Variants in CCDC144A observed in about 807,000 individuals in gnomAD.
CCDC144A encodes the protein coiled-coil domain containing 144A, also known as coiled-coil domain-containing protein 144A.
A neutral mutation model predicts 143.8 loss-of-function variants in CCDC144A; 41 were observed. That is an observed-to-expected ratio of 0.29 (90% CI 0.22 to 0.37). The LOEUF (loss-of-function observed/expected upper bound fraction) is 0.37. CCDC144A is among the 10% of genes least tolerant of loss of function. The probability of loss-of-function intolerance (pLI) is 1.00; values close to 1 mark genes in which losing one functional copy is unlikely to be tolerated. For missense variants in CCDC144A, 637 were observed against 1,488.8 expected (o/e 0.43, Z 9.41); for synonymous variants, 242 against 517.9 (o/e 0.47, Z 7.23).
rs1455861556 is a variant in CCDC144A at position 16,728,914 on chromosome 17, A to AT, written c.2105+1176dup. Among the ~76,000 whole-genome samples the AT allele has an allele frequency of 1.5e-4, 23 of 152,312 alleles. No homozygotes were observed. In the East Asian group the frequency reaches 4.0e-3, roughly 27 times the overall value. On this transcript the variant is annotated intron_variant, in intron 9 of 16. Coordinates refer to ENST00000399273, the MANE Select transcript of CCDC144A (RefSeq NM_001382000.1). ...TCCCTTCCAAGTTGCTGCAAAAGAC[A>AT]TTATTTCATTCTTCTTATGGCTGAG... is the stretch of plus-strand genomic sequence containing the variant.
intron 2 of CCDC144A, among the ~76,000 whole-genome samples, chr17:16,703,506 T>C (rs1911846304): frequency 6.6e-6 from 1 of 152,154 alleles, no homozygotes. Context: ...ACTAAAATAT[T>C]TTAAAAACAA....
At chr17:16,704,831 T>G (rs1308311337) in intron 2 of CCDC144A, among the ~76,000 whole-genome samples, 1 of 152,178 alleles carries the variant, frequency 6.6e-6, no homozygotes, top group Non-Finnish European at 1.5e-5. Flanking sequence ...TAGTTAGACA[T>G]AAATTCTGTT....
chr17:16,708,109 A>C (rs34238100), intron 4 of CCDC144A, among the ~76,000 whole-genome samples: 1,901 of 152,232 alleles, frequency 0.012, 15 homozygotes, highest in Non-Finnish European at 0.021. Flanking sequence ...ACAAACAATA[A>C]CTTTCTAACT....
At chr17:16,670,068 C>A in the CCDC144A span, among the ~76,000 whole-genome samples, 2,457 of 151,770 alleles carry the variant, frequency 0.016, 55 homozygotes, top group African/African-American at 0.057. Context: ...GTAATCCCAG[C>A]TACTCTGGAG....
At chr17:16,763,549 A>G (rs1915469978) in intron 14 of CCDC144A, among the ~76,000 whole-genome samples, 1 of 150,636 alleles carries the variant, frequency 6.6e-6, no homozygotes, top group Non-Finnish European at 1.5e-5. Flanking sequence ...ATTTATACGC[A>G]GTGAAATGGT....
intron 6 of CCDC144A, among the ~76,000 whole-genome samples, chr17:16,717,894 T>C (rs1912867683): frequency 6.6e-6 from 1 of 152,132 alleles, no homozygotes; most frequent in African/African-American, 2.4e-5. Context: ...AAAATGAAAA[T>C]AAAAAATGTA....
chr17:16,704,888 G>A (rs1052739982), intron 2 of CCDC144A, among the ~76,000 whole-genome samples: 5 of 152,094 alleles, frequency 3.3e-5, no homozygotes, highest in Non-Finnish European at 7.4e-5. Context: ...AGCAAAATAT[G>A]TATTAGAGAC....
Position 16,690,885 on chromosome 17 carries a change from G to T in CCDC144A, c.344+141G>T, listed in dbSNP as rs567402401. 9.9e-4 allele frequency: 676 copies of T among 679,862 alleles called. 8 individuals are homozygous for T. In the African/African-American group the frequency reaches 0.011, roughly 11 times the overall value. The allele number at this position is 679,862 out of a possible 1,614,324, so 42.1% of individuals were successfully genotyped here. ...TTAGTGAGACGGGATCAAATATAAA[G>T]GATTATTACTATTGCAAAAGTGTTG... On this transcript the variant is annotated intron_variant, in intron 1 of 16. Coordinates refer to ENST00000399273, the MANE Select transcript of CCDC144A (RefSeq NM_001382000.1).
At chr17:16,679,151 C>T in the CCDC144A span, among the ~76,000 whole-genome samples, 1 of 151,862 alleles carries the variant, frequency 6.6e-6, no homozygotes, top group Non-Finnish European at 1.5e-5. Context: ...GTGATTTTCT[C>T]CATCTTTGTC....
intron 15 of CCDC144A, among the ~76,000 whole-genome samples, chr17:16,768,265 G>C (rs1227466681): frequency 6.6e-6 from 1 of 152,204 alleles, no homozygotes; most frequent in African/African-American, 2.4e-5. Context: ...AAACTTATTT[G>C]TGGAGGCCTG....
chr17:16,744,480 T>C (rs1175568082), intron 12 of CCDC144A, among the ~76,000 whole-genome samples: 2 of 144,444 alleles, frequency 1.4e-5, no homozygotes, highest in African/African-American at 5.4e-5. Context: ...CATTTTTTCA[T>C]ATGTTTGCTC....
chr17:16,729,330 G>C (rs1170833337), intron 9 of CCDC144A, among the ~76,000 whole-genome samples: 1 of 152,118 alleles, frequency 6.6e-6, no homozygotes, highest in African/African-American at 2.4e-5. Context: ...TTGTATTTCC[G>C]TGAATGTTAG....
intron 12 of CCDC144A, among the ~76,000 whole-genome samples, chr17:16,749,250 A>G (rs1378025372): frequency 3.3e-5 from 5 of 152,124 alleles, no homozygotes; most frequent in Admixed American, 6.5e-5. Flanking sequence ...CTTTCCTCTT[A>G]TGCTGCTTTC....
intron 5 of CCDC144A, chr17:16,710,152 C>G (rs2143125821): frequency 5.8e-6 from 1 of 172,858 alleles, no homozygotes; most frequent in South Asian, 1.3e-4. Context: ...CCGTAGTGTG[C>G]TATGCCGATC....
the CCDC144A span, among the ~76,000 whole-genome samples, chr17:16,674,107 A>G: frequency 6.6e-6 from 1 of 152,110 alleles, no homozygotes; most frequent in African/African-American, 2.4e-5. Context: ...TTTGTTTCCA[A>G]ATTTAGAAAG....
chr17:16,708,581 T>C lies in CCDC144A; in HGVS notation c.739-215T>C. On this transcript the variant is annotated intron_variant, in intron 4 of 16. Coordinates refer to ENST00000399273, the MANE Select transcript of CCDC144A (RefSeq NM_001382000.1). The stretch of plus-strand genomic sequence containing the variant: ...CTCCTCCTTTCAGCTAAGACAATTT[T>C]TTTTTAACTTCTTAGTTACAAGCCA... 3 of 616,020 alleles carry C rather than the reference T, an allele frequency of 4.9e-6. No homozygotes were observed. In the South Asian group the frequency reaches 6.1e-5, roughly 12 times the overall value. The allele number at this position is 616,020 out of a possible 1,614,324, so 38.2% of individuals were successfully genotyped here.
intron 11 of CCDC144A, among the ~76,000 whole-genome samples, chr17:16,733,325 C>T (rs922513209): frequency 7.0e-6 from 1 of 142,038 alleles, no homozygotes; most frequent in African/African-American, 2.6e-5. Flanking sequence ...CGCGGTGAAA[C>T]CCCATCTCTA....
intron 15 of CCDC144A, chr17:16,764,449 C>G: frequency 2.5e-6 from 1 of 405,416 alleles, no homozygotes; most frequent in Non-Finnish European, 4.4e-6. Flanking sequence ...TAGATTTTAA[C>G]CAAAGGTTTA....
intron 2 of CCDC144A, among the ~76,000 whole-genome samples, chr17:16,704,636 G>C (rs923529449): frequency 6.6e-5 from 10 of 151,574 alleles, no homozygotes; most frequent in Non-Finnish European, 1.5e-4. Flanking sequence ...CTCTTATTTT[G>C]CAAATAAATG....
Sources: allele counts gnomAD v4.1 joint callset (sites outside exome capture counted in the v4.1 genomes callset), GRCh38; gene constraint gnomAD v4.1.1; transcripts MANE v1.5; gene names NCBI Gene and HGNC (gene_info 2026-07-23, HGNC 2026-07-21).